CC2D2B: variants seen among roughly 807,000 people sequenced by gnomAD.
The protein encoded by CC2D2B is protein CC2D2B.
CC2D2B carries 128 observed loss-of-function variants against 161.2 expected under a neutral mutation model. The ratio of observed to expected loss-of-function variants is 0.79; its 90% confidence interval spans 0.69 to 0.92. The LOEUF is 0.92. CC2D2B is among the 40% of genes least tolerant of loss of function. The pLI is 0.00. For missense variants in CC2D2B, 1,173 were observed against 1,375.1 expected, an observed-to-expected ratio of 0.85 and a Z score of 2.32; for synonymous variants, 391 against 449.8, an observed-to-expected ratio of 0.87 and a Z score of 1.65.
chr10:96,019,315 A>G lies in CC2D2B; in HGVS notation c.3743A>G (p.Asp1248Gly), dbSNP rs1027596414. The stretch of plus-strand genomic sequence containing the variant: ...CCGTTTTGTCCCTTAAAAAGTGTAG[A>G]TTGTTTGTTTGATGATAGAAATGTA... ...FDPFCPLKSVDCLFDDRNVWF... is the reference protein window; with the variant it reads ...FDPFCPLKSVGCLFDDRNVWF... Residue 1248 changes from aspartate (D) to glycine (G), a missense_variant, in exon 31 of 35, where the codon GAT becomes GGT. Physicochemically the swap from Asp to Gly is moderately conservative, Grantham distance 94. Coordinates refer to ENST00000646931, the MANE Select transcript of CC2D2B (RefSeq NM_001349008.3). 3 of 1,610,132 alleles carry G rather than the reference A, an allele frequency of 1.9e-6. No individual in the cohort carries two copies. In the Admixed American group the frequency reaches 5.1e-5, roughly 27 times the overall value.
At chr10:95,995,391 TATA>T (rs2078191573) in intron 23 of CC2D2B, 26 bp downstream of exon 23, 1 of 1,085,896 alleles carries the variant, frequency 9.2e-7, no homozygotes, top group Non-Finnish European at 1.3e-6. Flanking sequence ...TTCTATAAAG[TATA>T]ATATTGATTA....
At chr10:96,016,395 C>A in intron 30 of CC2D2B, 81 bp downstream of exon 30, 1 of 921,862 alleles carries the variant, frequency 1.1e-6, no homozygotes, top group Non-Finnish European at 1.8e-6. Context: ...ACTTCAAACC[C>A]AGGTTTCCAT....
chr10:95,965,009 A>G (rs1381623626), intron 12 of CC2D2B, among the ~76,000 whole-genome samples: 1 of 152,142 alleles, frequency 6.6e-6, no homozygotes, highest in East Asian at 1.9e-4. Context: ...GCTGGGTCAT[A>G]TGGTAACTCT....
chr10:95,939,888 T>C (rs2075963556), intron 9 of CC2D2B, among the ~76,000 whole-genome samples: 1 of 152,200 alleles, frequency 6.6e-6, no homozygotes, highest in Admixed American at 6.5e-5. Context: ...TCATATAATG[T>C]ACTCTATGGC....
At chr10:95,966,028 C>A in intron 13 of CC2D2B, 30 bp downstream of exon 13, 1 of 843,440 alleles carries the variant, frequency 1.2e-6, no homozygotes, top group Non-Finnish European at 1.6e-6. Context: ...ACATTAAACT[C>A]AACTAGTTAT....
At position 96,016,219 on chromosome 10, in the gene CC2D2B, A is replaced by G. The variant is rs1158133096; in HGVS notation, c.3535A>G (p.Ile1179Val). 4 of 1,611,450 alleles carry G rather than the reference A, an allele frequency of 2.5e-6. No homozygotes were observed. The highest frequency in any genetic ancestry group is 3.4e-6 in the Non-Finnish European group (4 of 1,178,820). The change falls in exon 30 of 35, where the codon ATC (isoleucine) becomes GTC (valine). Residue 1179 changes from isoleucine (I) to valine (V), a missense_variant. Ile to Val is a conservative substitution (Grantham distance 29). This residue lies in a region of CC2D2B where 598 missense variants were observed against 693.2 expected (regional missense o/e 0.86). Transcript: ENST00000646931. ...GTCTTAGCACTGCATCAGTTTAGCT[A>G]TCGGAAATAAGGAGGAGCATGCCAT... ...MTSEHCISLAIGNKEEHAILL... is the reference protein window; with the variant it reads ...MTSEHCISLAVGNKEEHAILL...
chr10:96,026,851 G>A (rs920743821), intron 33 of CC2D2B, among the ~76,000 whole-genome samples: 17 of 152,150 alleles, frequency 1.1e-4, no homozygotes, highest in Non-Finnish European at 1.9e-4. Flanking sequence ...GGCTGGGCAC[G>A]GTGGCTTACA....
At chr10:95,929,781 C>T (rs1397151006) in intron 6 of CC2D2B, among the ~76,000 whole-genome samples, 1 of 152,126 alleles carries the variant, frequency 6.6e-6, no homozygotes, top group African/African-American at 2.4e-5. Context: ...CAGTACCATG[C>T]TGTTTGGTTA....
chr10:95,963,793 G>A (rs1279470081), intron 12 of CC2D2B, among the ~76,000 whole-genome samples: 1 of 152,156 alleles, frequency 6.6e-6, no homozygotes, highest in African/African-American at 2.4e-5. Flanking sequence ...TGACATGGAG[G>A]TTATTGATAA....
intron 16 of CC2D2B, among the ~76,000 whole-genome samples, 184 bp downstream of exon 16, chr10:95,972,400 C>CA (rs2077167260): frequency 6.6e-6 from 1 of 152,148 alleles, no homozygotes; most frequent in African/African-American, 2.4e-5. Context: ...CAGCTCACTG[C>CA]AACCTCCACC....
intron 2 of CC2D2B, among the ~76,000 whole-genome samples, chr10:95,917,865 C>A (rs1030081894): frequency 6.6e-6 from 1 of 152,144 alleles, no homozygotes. Flanking sequence ...GCAGCCTCCA[C>A]CTCTGGATTC....
intron 9 of CC2D2B, among the ~76,000 whole-genome samples, chr10:95,947,113 A>ATATTTTT (rs1289243570): frequency 4.1e-5 from 2 of 48,376 alleles, no homozygotes; most frequent in African/African-American, 1.9e-4. Context: ...ATATATATAT[A>ATATTTTT]TTTTTTTTTT....
At chr10:95,928,378 C>T (rs2098543391) in intron 6 of CC2D2B, among the ~76,000 whole-genome samples, 1 of 152,102 alleles carries the variant, frequency 6.6e-6, no homozygotes, top group Non-Finnish European at 1.5e-5. Flanking sequence ...TCATACTTTT[C>T]TCTATGCTTA....
intron 9 of CC2D2B, among the ~76,000 whole-genome samples, chr10:95,947,769 A>G (rs1367962257): frequency 1.3e-5 from 2 of 151,858 alleles, no homozygotes. Context: ...AAAAAAAAAG[A>G]TGGACTAAAA....
At chr10:95,915,957 G>A (rs2098515550) in intron 2 of CC2D2B, among the ~76,000 whole-genome samples, 1 of 151,934 alleles carries the variant, frequency 6.6e-6, no homozygotes. Context: ...CTATTTTTTG[G>A]AACAGTTTGA....
chr10:95,960,496 A>C (rs2141410850), intron 11 of CC2D2B, among the ~76,000 whole-genome samples: 1 of 148,264 alleles, frequency 6.7e-6, no homozygotes, highest in South Asian at 2.2e-4. Context: ...AAGTGATATA[A>C]ACTGAGTTTT....
intron 34 of CC2D2B, among the ~76,000 whole-genome samples, chr10:96,029,678 C>G (rs1445719989): frequency 6.6e-6 from 1 of 152,046 alleles, no homozygotes; most frequent in East Asian, 1.9e-4. Context: ...CAGAGATGCT[C>G]AAGTCCCTTA....
intron 10 of CC2D2B, among the ~76,000 whole-genome samples, chr10:95,951,018 C>T (rs1026349094): frequency 1.3e-5 from 2 of 152,122 alleles, no homozygotes; most frequent in African/African-American, 4.8e-5. Context: ...GGGGTTTTGC[C>T]ATGTTGGCCG....
chr10:96,005,715 C>T (rs554088372), intron 25 of CC2D2B, among the ~76,000 whole-genome samples: 7 of 152,168 alleles, frequency 4.6e-5, no homozygotes, highest in East Asian at 1.9e-4. Flanking sequence ...CTATTTCTAA[C>T]GCTTGGCATG....
Sources: gnomAD v4.1 joint callset for allele counts (sites outside exome capture counted in the v4.1 genomes callset) on GRCh38, gnomAD v4.1.1 for gene constraint, gnomAD v4.1.1 regional missense constraint, MANE v1.5 for transcripts, NCBI Gene and HGNC (gene_info 2026-07-23, HGNC 2026-07-21) for gene names.